The following DERL1 variants were observed in gnomAD, a reference collection of about 807,000 sequenced individuals.
DERL1 encodes derlin-1.
In DERL1, 24 loss-of-function variants were observed where a neutral mutation model predicts 41.6. The ratio of observed to expected loss-of-function variants is 0.58; its 90% CI spans 0.42 to 0.81. DERL1 has a LOEUF of 0.81. DERL1 is among the 30% of genes least tolerant of loss of function. The probability of loss-of-function intolerance (pLI) is 0.00; values close to 1 mark genes in which losing one functional copy is unlikely to be tolerated. For synonymous variants in DERL1, 124 were observed against 112.5 expected (o/e 1.10, Z -0.65); for missense variants, 260 against 314.3 (o/e 0.83, Z 1.31).
chr8:123,024,293 A>G (rs1029927366), intron 3 of DERL1, among the ~76,000 whole-genome samples: 2 of 152,184 alleles, frequency 1.3e-5, no homozygotes. Flanking sequence ...AAAGTCCAAA[A>G]TATTTTTTCC....
intron 1 of DERL1, among the ~76,000 whole-genome samples, chr8:123,035,487 C>G (rs1409456218): frequency 6.6e-6 from 1 of 152,138 alleles, no homozygotes; most frequent in African/African-American, 2.4e-5. Context: ...CATTTTCAAC[C>G]CTGGAAAGCC....
Position 123,042,280 on chromosome 8 carries a change from T to G in DERL1, c.-158A>C. 1 of 1,027,656 alleles carries G rather than the reference T, an allele frequency of 9.7e-7. No homozygotes were observed. Among genetic ancestry groups the G allele is most frequent in the Non-Finnish European group, 1.3e-6 (1 of 749,114 alleles). The allele number at this position is 1,027,656 out of a possible 1,614,324, so 63.7% of individuals were successfully genotyped here. On this transcript the variant is annotated 5_prime_UTR_variant, in exon 1 of 8. Transcript: ENST00000259512. ...ACGGGCGGACGTGGCGCCACCGAAT[T>G]CGGACCAGCGAGGCAGCCTTCTGAG...
At chr8:123,019,849 CCTT>C (rs1038361296) in intron 6 of DERL1, among the ~76,000 whole-genome samples, 1 of 152,166 alleles carries the variant, frequency 6.6e-6, no homozygotes, top group African/African-American at 2.4e-5. Flanking sequence ...TCAACGCTGA[CCTT>C]CTTCAGTTTT....
Position 123,021,471 on chromosome 8 carries a change from C to T in DERL1, c.482G>A (p.Gly161Glu), listed in dbSNP as rs749024059. Residue 161 changes from glycine to glutamate, a missense_variant, in exon 6 of 8, where the codon GGA becomes GAA. Transcript: ENST00000259512. ...CGAGCCTCCGATGATATAGTTGAAT[C>T]CAAGGATAACCCAGGGTAAATAGCA... ...KACYLPWVIL[G>E]FNYIIGGSVI... 1 of 1,613,762 alleles carries T rather than the reference C, an allele frequency of 6.2e-7. No individual in the cohort carries two copies. Among genetic ancestry groups the T allele is most frequent in the East Asian group, 2.2e-5 (1 of 44,872 alleles).
At position 123,030,642 on chromosome 8, in the gene DERL1, T is replaced by C. The variant is rs767472031; in HGVS notation, c.228A>G (p.Leu76=). 10 of 1,611,490 alleles carry C rather than the reference T, an allele frequency of 6.2e-6. No homozygotes were observed. Among genetic ancestry groups the C allele is most frequent in the South Asian group, 4.4e-5 (4 of 90,306 alleles). ...PGTGFLYLVN[L]YFLYQYSTRL... ...GCGTAGAATACTGATATAAGAAATA[T>C]AAATTGACCAAATAAAGAAATCCAG... Residue 76 remains leucine (L), a synonymous_variant, in exon 2 of 8, where the codon TTA becomes TTG. Coordinates refer to ENST00000259512, the MANE Select transcript of DERL1 (RefSeq NM_024295.6).
At chr8:123,037,099 AG>A (rs1306344573) in intron 1 of DERL1, among the ~76,000 whole-genome samples, 1 of 152,228 alleles carries the variant, frequency 6.6e-6, no homozygotes, top group African/African-American at 2.4e-5. Context: ...TGTCCAGGAG[AG>A]AAGGAAATAA....
At chr8:123,030,894 A>G (rs754417543) in intron 1 of DERL1, 178 bp from the exon 2 acceptor site, 46 of 590,222 alleles carry the variant, frequency 7.8e-5, no homozygotes, top group Non-Finnish European at 1.2e-4. Context: ...CAATCACATC[A>G]CTTTGCAAAT....
In DERL1 at chr8:123,013,333, A is replaced by C. The variant is rs1814463513; in HGVS notation, c.*2114T>G. The stretch of plus-strand genomic sequence containing the variant: ...CAGCAGAGCAGGGACATGGAAACTT[A>C]ACACAGACAACCTTCAAGTTGCACA... On this transcript the variant is annotated 3_prime_UTR_variant, in exon 8 of 8. Coordinates refer to ENST00000259512, the MANE Select transcript of DERL1 (RefSeq NM_024295.6). 6.6e-6 allele frequency: 1 copy of C among 152,238 alleles called. No individual in the cohort carries two copies. Among genetic ancestry groups the C allele is most frequent in the Non-Finnish European group, 1.5e-5 (1 of 68,042 alleles). The allele number at this position is 152,238 out of a possible 1,614,324, so 9.4% of individuals were successfully genotyped here. A position where few individuals can be genotyped will look rare whatever the true frequency, so the allele number is the denominator to read the frequency against.
intron 2 of DERL1, among the ~76,000 whole-genome samples, chr8:123,026,922 G>A (rs1484736028): frequency 2.6e-5 from 4 of 152,130 alleles, no homozygotes; most frequent in Non-Finnish European, 5.9e-5. Context: ...CTACGTAAAA[G>A]ACATAAGTCA....
chr8:123,042,051 G>T lies in DERL1; in HGVS notation c.72C>A (p.Ala24=). Residue 24 remains alanine (A), a synonymous_variant, in exon 1 of 8, where the codon GCC becomes GCA. Transcript: ENST00000259512. ...ITRYWFAATV[A]VPLVGKLGLI... is the part of the protein sequence containing the mutation. ...GGCCGAGTTTGCCGACCAAGGGCAC[G>T]GCGACGGTGGCGGCGAACCAATAGC... 1 of 1,613,894 alleles carries T rather than the reference G, an allele frequency of 6.2e-7. No individual in the cohort carries two copies. Among genetic ancestry groups the T allele is most frequent in the Non-Finnish European group, 8.5e-7 (1 of 1,179,924 alleles).
At chr8:123,032,424 C>G (rs1197939325) in intron 1 of DERL1, among the ~76,000 whole-genome samples, 2 of 152,148 alleles carry the variant, frequency 1.3e-5, no homozygotes, top group African/African-American at 4.8e-5. Context: ...CATGAGCCAT[C>G]GCACCTGGCT....
At chr8:123,033,553 GACCAA>G (rs1812861428) in intron 1 of DERL1, among the ~76,000 whole-genome samples, 1 of 152,154 alleles carries the variant, frequency 6.6e-6, no homozygotes, top group African/African-American at 2.4e-5. Flanking sequence ...AGACCAGGCT[GACCAA>G]GGTGGAGAAA....
intron 2 of DERL1, among the ~76,000 whole-genome samples, chr8:123,029,021 C>T (rs1017476685): frequency 5.3e-5 from 8 of 151,740 alleles, no homozygotes; most frequent in Non-Finnish European, 1.0e-4. Context: ...GGAGCCATGA[C>T]TGTGCCACTA....
At chr8:123,028,250 T>C (rs765362602) in intron 2 of DERL1, among the ~76,000 whole-genome samples, 3 of 152,114 alleles carry the variant, frequency 2.0e-5, no homozygotes, top group Non-Finnish European at 4.4e-5. Context: ...TAAAACAAGA[T>C]TGGCTATGAG....
intron 7 of DERL1, chr8:123,016,971 CTGGGA>C (rs1814592220): frequency 6.6e-6 from 1 of 152,222 alleles, no homozygotes; most frequent in Non-Finnish European, 1.5e-5. Context: ...TCCCGAGTAG[CTGGGA>C]CAACAGGCGC....
Position 123,014,750 on chromosome 8 carries a change from C to T in DERL1, c.*697G>A, listed in dbSNP as rs981665736. On this transcript the variant is annotated 3_prime_UTR_variant, in exon 8 of 8. Coordinates refer to ENST00000259512, the MANE Select transcript of DERL1 (RefSeq NM_024295.6). ...AAACACCCAGCAACAACCCTCGTAT[C>T]TCATTAATACCAATCTGTGGCCCTC... 1.3e-5 allele frequency: 2 copies of T among 152,274 alleles called. No homozygotes were observed. The allele number at this position is 152,274 out of a possible 1,614,324, so 9.4% of individuals were successfully genotyped here.
At chr8:123,019,391 T>G in intron 6 of DERL1, 86 bp from the exon 7 acceptor site, 1 of 939,740 alleles carries the variant, frequency 1.1e-6, no homozygotes, top group Non-Finnish European at 1.7e-6. Context: ...AAGAGAGCCT[T>G]CAAGGCAGCC....
chr8:123,023,657 A>T (rs1171298221), intron 4 of DERL1, 56 bp downstream of exon 4: 2 of 1,569,056 alleles, frequency 1.3e-6, no homozygotes, highest in Admixed American at 3.6e-5. Context: ...AAAGGCCACT[A>T]ATAGTATATT....
chr8:123,026,850 T>C (rs940681519), intron 2 of DERL1, among the ~76,000 whole-genome samples: 2 of 151,452 alleles, frequency 1.3e-5, no homozygotes, highest in African/African-American at 4.9e-5. Context: ...GGAATCTTAA[T>C]GGTAATAAAA....
Sources: allele counts gnomAD v4.1 joint callset (sites outside exome capture counted in the v4.1 genomes callset), GRCh38; gene constraint gnomAD v4.1.1; transcripts MANE v1.5; gene names NCBI Gene and HGNC (gene_info 2026-07-23, HGNC 2026-07-21).